The following ACTN3 variants were observed in gnomAD, a reference collection of about 807,000 sequenced individuals.
The protein encoded by ACTN3 is alpha-actinin-3.
In ACTN3, 91 loss-of-function variants were observed where a neutral mutation model predicts 119.6. The observed-to-expected ratio is 0.76, with a 90% CI of 0.64 to 0.91. ACTN3 has a LOEUF of 0.91. Among genes scored for constraint, ACTN3 ranks in the 40% least tolerant of loss-of-function variants. The pLI is 0.00. For synonymous variants in ACTN3, 456 were observed against 478.8 expected (o/e 0.95, Z 0.62); for missense variants, 1,221 against 1,215.1 (o/e 1.00, Z -0.07).
In ACTN3 at chr11:66,559,403, GGGGCCCGCCCCCAACACCCCC is replaced by G. The variant is rs1565308157; in HGVS notation, c.1427+20_1427+40del. On this transcript the variant is annotated intron_variant, in intron 12 of 20. Coordinates refer to ENST00000513398, the MANE Select transcript of ACTN3 (RefSeq NM_001104.4). ...GGAGCTCAAGTAGGCGGGGCCTCGCGGGGCCCGCCCCCAACACCCCCGGCCCCGCCCCCGGTGGCGAGCCCC... is the reference window on the plus strand; with the variant it reads ...GGAGCTCAAGTAGGCGGGGCCTCGCGGGCCCCGCCCCCGGTGGCGAGCCCC... The G allele has an allele frequency of 4.1e-6, 6 of 1,476,670 alleles. No homozygotes were observed. Among genetic ancestry groups the G allele is most frequent in the Non-Finnish European group, 5.4e-6 (6 of 1,120,746 alleles). 91.5% of individuals were successfully genotyped at this position (1,476,670 alleles called of 1,614,324 possible). A position where few individuals can be genotyped will look rare whatever the true frequency, so the allele number is the denominator to read the frequency against.
rs769294439 is a variant in ACTN3 at position 66,551,221 on chromosome 11, G to A, written c.148-18G>A. 2.7e-5 allele frequency: 42 copies of A among 1,578,278 alleles called. No individual in the cohort carries two copies. Among genetic ancestry groups the A allele is most frequent in the Non-Finnish European group, 3.5e-5 (41 of 1,155,860 alleles). ...CCAGAGCCAGTCGTAGGGTTTGAGT[G>A]CTGTCCTCTGCCCCTAGACCTTCAC... is the stretch of plus-strand genomic sequence containing the variant. On this transcript the variant is annotated intron_variant, in intron 1 of 20. Coordinates refer to ENST00000513398, the MANE Select transcript of ACTN3 (RefSeq NM_001104.4).
rs766590041 is a variant in ACTN3 at position 66,551,369 on chromosome 11, C to G, written c.262+16C>G. 1 of 1,591,578 alleles carries G rather than the reference C, an allele frequency of 6.3e-7. No homozygotes were observed. Among genetic ancestry groups the G allele is most frequent in the South Asian group, 1.1e-5 (1 of 88,094 alleles). Reference sequence around the variant, plus strand: ...GTCATTTCAGGTGAGGATGGCAAATCAGTGCACCTGGGCCCCAGGACCCAG... The same window carrying G: ...GTCATTTCAGGTGAGGATGGCAAATGAGTGCACCTGGGCCCCAGGACCCAG... On this transcript the variant is annotated intron_variant, in intron 2 of 20. Transcript: ENST00000513398.
In ACTN3 at chr11:66,562,293, G is replaced by A. The variant is rs745825189; in HGVS notation, c.2359G>A (p.Ala787Thr). The change falls in exon 19 of 21, where the codon GCT (alanine) becomes ACT (threonine). Residue 787 changes from alanine to threonine, a missense_variant. Ala to Thr is a moderately conservative substitution (Grantham distance 58, BLOSUM62 0). Around this residue, in one of 3 missense-constraint regions of ACTN3, gnomAD observed 934 missense variants for 899.9 expected, o/e 1.04. Transcript: ENST00000513398. ...GATGATGGAGCCTGATGACTTCCGA[G>A]CTTGCCTCATCTCCATGGGCTATGA... ...NGMMEPDDFR[A>T]CLISMGYDLG... The A allele has an allele frequency of 2.5e-6, 4 of 1,613,436 alleles. No individual in the cohort carries two copies. Among genetic ancestry groups the A allele is most frequent in the Middle Eastern group, 1.7e-4 (1 of 5,810 alleles).
intron 3 of ACTN3, among the ~76,000 whole-genome samples, chr11:66,553,613 G>A (rs574768994): frequency 2.0e-5 from 3 of 151,704 alleles, no homozygotes; most frequent in Non-Finnish European, 4.4e-5. Context: ...GCTCATGCTT[G>A]TAATCCCAGC....
intron 1 of ACTN3, among the ~76,000 whole-genome samples, chr11:66,547,490 G>T (rs1002538186): frequency 6.6e-6 from 1 of 152,078 alleles, no homozygotes; most frequent in African/African-American, 2.4e-5. Context: ...TTGGGAGTGT[G>T]GGGGTAGTGA....
rs770157999 is a variant in ACTN3 at position 66,558,116 on chromosome 11, C to T, written c.1218C>T (p.Leu406=). 7 of 1,613,804 alleles carry T rather than the reference C, an allele frequency of 4.3e-6. No individual in the cohort carries two copies. The highest frequency in any genetic ancestry group is 3.3e-5 in the Admixed American group (2 of 60,006). ...LLSEIRRLQR[L]QHLAEKFRQK... is the part of the protein sequence containing the mutation. ...CGGAGATCCGGCGCCTGCAGCGACT[C>T]CAGCACCTGGCTGAGAAGTTCCGGC... The change falls in exon 11 of 21, where the codon CTC becomes CTT. Residue 406 remains leucine, a synonymous_variant. Transcript: ENST00000513398.
chr11:66,554,938 G>A (rs1857557287), intron 5 of ACTN3, among the ~76,000 whole-genome samples, 192 bp from the exon 6 acceptor site: 1 of 152,168 alleles, frequency 6.6e-6, no homozygotes. Context: ...ATGAGTGTGT[G>A]ACGGAATCGT....
At chr11:66,547,158 C>T in intron 1 of ACTN3, 74 bp downstream of exon 1, 2 of 1,422,590 alleles carry the variant, frequency 1.4e-6, no homozygotes, top group East Asian at 5.2e-5. Flanking sequence ...GGCATCTCAG[C>T]AGTGCAGGGG....
chr11:66,560,493 C>G, intron 14 of ACTN3, 80 bp from the exon 15 acceptor site: 2 of 1,511,182 alleles, frequency 1.3e-6, no homozygotes, highest in Non-Finnish European at 1.8e-6. Context: ...TGGTGGGTGG[C>G]CTGGGGCACA....
chr11:66,558,657 C>A (rs1186067886), intron 11 of ACTN3, among the ~76,000 whole-genome samples: 2 of 152,096 alleles, frequency 1.3e-5, no homozygotes, highest in Non-Finnish European at 2.9e-5. Flanking sequence ...AATGAGCCAC[C>A]GCACACCCGC....
rs757376288 is a variant in ACTN3, at chr11:66,562,956, T to C, written c.2547+2T>C. ...TTCAAGATCTTGGCAGGAGACAAGG[T>C]GAGTCCCAGGCGGTGGAGGGGCTGG... On this transcript the variant is annotated splice_donor_variant, in intron 20 of 20. Coordinates refer to ENST00000513398, the MANE Select transcript of ACTN3 (RefSeq NM_001104.4). LOFTEE classifies it high-confidence loss of function. The C allele has an allele frequency of 1.9e-6, 3 of 1,612,418 alleles. No individual in the cohort carries two copies. The highest frequency in any genetic ancestry group is 1.1e-5 in the South Asian group (1 of 90,896).
chr11:66,548,790 T>C (rs1857416892), intron 1 of ACTN3, among the ~76,000 whole-genome samples: 1 of 152,128 alleles, frequency 6.6e-6, no homozygotes, highest in African/African-American at 2.4e-5. Flanking sequence ...GTGCTGGAAT[T>C]CGGCAGCAGA....
rs780187824 is a variant in ACTN3 at position 66,557,789 on chromosome 11, T to C, written c.988T>C (p.Phe330Leu). Residue 330 changes from phenylalanine (F) to leucine (L), a missense_variant, in exon 10 of 21, where the codon TTT becomes CTT. Transcript: ENST00000513398. The part of the protein sequence containing the change: ...MSAMQRKLED[F>L]RDYRRLHKPP... ...TGCCATGCAGCGCAAACTAGAGGAC[T>C]TTCGGGACTACCGGCGTCTGCACAA... The C allele has an allele frequency of 1.4e-5, 23 of 1,613,822 alleles. No homozygotes were observed. Among genetic ancestry groups the C allele is most frequent in the Non-Finnish European group, 1.9e-5 (22 of 1,179,926 alleles).
At chr11:66,550,702 A>G (rs190907372) in intron 1 of ACTN3, among the ~76,000 whole-genome samples, 45 of 152,320 alleles carry the variant, frequency 3.0e-4, no homozygotes, top group African/African-American at 1.0e-3. Flanking sequence ...CTGACGCTCC[A>G]ACAGCCCTCA....
rs1857832721 is a variant in ACTN3 at position 66,563,090 on chromosome 11, A to T, written c.2603A>T (p.Tyr868Phe). The T allele has an allele frequency of 6.2e-7, 1 of 1,613,090 alleles. No individual in the cohort carries two copies. Among genetic ancestry groups the T allele is most frequent in the East Asian group, 2.2e-5 (1 of 44,856 alleles). The change falls in exon 21 of 21, where the codon TAC (tyrosine) becomes TTC (phenylalanine). Residue 868 changes from tyrosine to phenylalanine, a missense_variant. By Grantham distance (22) the Tyr-to-Phe change is conservative. Coordinates refer to ENST00000513398, the MANE Select transcript of ACTN3 (RefSeq NM_001104.4). Reference protein sequence around the residue: ...RRELPAKQAEYCIRRMVPYKG... With the variant: ...RRELPAKQAEFCIRRMVPYKG... ...GAGCTCCCTGCCAAGCAGGCCGAGT[A>T]CTGCATCCGCCGTATGGTGCCCTAC... is the stretch of plus-strand genomic sequence containing the variant.
chr11:66,554,908 G>A (rs917922434), intron 5 of ACTN3, among the ~76,000 whole-genome samples: 1 of 152,170 alleles, frequency 6.6e-6, no homozygotes, highest in Non-Finnish European at 1.5e-5. Flanking sequence ...AAAATATTTA[G>A]AAACTGGTCG....
chr11:66,547,324 ATT>A (rs1857373202), intron 1 of ACTN3, among the ~76,000 whole-genome samples: 2 of 152,266 alleles, frequency 1.3e-5, no homozygotes, highest in South Asian at 4.1e-4. Context: ...ACCAGGGTTC[ATT>A]CCCCTGGGCC....
rs1857828272 is a variant in ACTN3, at chr11:66,563,040, C to T, written c.2553C>T (p.Tyr851=). The T allele has an allele frequency of 1.9e-6, 3 of 1,611,272 alleles. No homozygotes were observed. Among genetic ancestry groups the T allele is most frequent in the African/African-American group, 1.3e-5 (1 of 75,002 alleles). The change falls in exon 21 of 21, where the codon TAC becomes TAT. Residue 851 remains tyrosine (Y), a synonymous_variant. Coordinates refer to ENST00000513398, the MANE Select transcript of ACTN3 (RefSeq NM_001104.4). ...TCAACGCCTCTTCTCCCCAGAACTA[C>T]ATCACCCCCGAGGAGCTGCGGCGCG... ...SFKILAGDKN[Y]ITPEELRREL...
Position 66,560,195 on chromosome 11 carries a change from A to G in ACTN3, c.1561A>G (p.Ile521Val), listed in dbSNP as rs1301320899. Residue 521 changes from isoleucine to valine, a missense_variant, in exon 14 of 21, where the codon ATT becomes GTT. Ile to Val is a conservative substitution (Grantham distance 29, BLOSUM62 3). Coordinates refer to ENST00000513398, the MANE Select transcript of ACTN3 (RefSeq NM_001104.4). ...LERMEKLLET[I>V]DRLQLEFARR... ...GCGGATGGAGAAGCTCCTGGAGACC[A>G]TTGACCGGCTGCAACTGGAGTTTGC... is the stretch of plus-strand genomic sequence containing the variant. 9 of 1,609,284 alleles carry G rather than the reference A, an allele frequency of 5.6e-6. No homozygotes were observed. The highest frequency in any genetic ancestry group is 3.3e-4 in the Middle Eastern group (2 of 6,050).
Sources: allele counts gnomAD v4.1 joint callset (sites outside exome capture counted in the v4.1 genomes callset), GRCh38; gene constraint gnomAD v4.1.1; regional missense constraint gnomAD v4.1.1; transcripts MANE v1.5; gene names NCBI Gene and HGNC (gene_info 2026-07-23, HGNC 2026-07-21).